The following NAV1 variants were observed in gnomAD, a reference collection of about 807,000 sequenced individuals.
NAV1 encodes neuron navigator 1, also known as pore membrane and/or filament interacting like protein 3.
In NAV1, 18 loss-of-function variants were observed where a neutral mutation model predicts 175.2. The observed-to-expected ratio is 0.10, with a 90% CI of 0.07 to 0.15. NAV1 has a LOEUF of 0.15. Among genes scored for constraint, NAV1 ranks in the 10% least tolerant of loss-of-function variants. NAV1 has a pLI of 1.00. For missense variants in NAV1, 1,731 were observed against 2,436.6 expected (o/e 0.71, Z 6.10); for synonymous variants, 897 against 978.7 (o/e 0.92, Z 1.56).
At chr1:201,558,095 T>G (rs1213426886) in intron 1 of NAV1, among the ~76,000 whole-genome samples, 1 of 152,218 alleles carries the variant, frequency 6.6e-6, no homozygotes, top group African/African-American at 2.4e-5. Flanking sequence ...TTTTCGTGCT[T>G]TGTAGGAGCC....
In NAV1 at chr1:201,781,639, TC is replaced by T. The variant is rs1363259813; in HGVS notation, c.1663+333del. 5.3e-5 allele frequency among the ~76,000 whole-genome samples: 8 copies of T among 152,298 alleles called. No homozygotes were observed. In the East Asian group the frequency reaches 1.5e-3, roughly 29 times the overall value. On this transcript the variant is annotated intron_variant, in intron 5 of 29. Coordinates refer to ENST00000367296, the Ensembl canonical transcript of NAV1. ...CTTCCAATGCTTGCTTTCTTCTTTC[TC>T]CCAAGTTAGTCACTCAAGGCACTTA...
intron 2 of NAV1, among the ~76,000 whole-genome samples, chr1:201,640,811 C>T (rs937955455): frequency 1.2e-4 from 18 of 152,206 alleles, no homozygotes; most frequent in African/African-American, 3.9e-4. Context: ...ACATCTGTTC[C>T]GAGTCACGCA....
chr1:201,552,497 T>C lies in NAV1; in HGVS notation c.-144+13155T>C, dbSNP rs536052401. ...TTGCTTCCTTGACCTCTCCCTGACA[T>C]TGGGCTCTGACGCATGTGGGGTAAT... On this transcript the variant is annotated intron_variant, in intron 1 of 33. Coordinates refer to the NAV1 transcript ENST00000685211. Among the ~76,000 whole-genome samples the C allele has an allele frequency of 5.4e-3, 574 of 107,164 alleles. 2 individuals are homozygous for C. Among genetic ancestry groups the C allele is most frequent in the South Asian group, 8.7e-3 (26 of 2,972 alleles). 70.3% of individuals were successfully genotyped at this position (107,164 alleles called of 152,430 possible).
chr1:201,808,302 G>A lies in NAV1; in HGVS notation c.3846-116G>A. The A allele has an allele frequency of 7.2e-7, 1 of 1,398,488 alleles. No homozygotes were observed. Among genetic ancestry groups the A allele is most frequent in the Non-Finnish European group, 9.7e-7 (1 of 1,028,308 alleles). The allele number at this position is 1,398,488 out of a possible 1,614,324, so 86.6% of individuals were successfully genotyped here. A position where few individuals can be genotyped will look rare whatever the true frequency, so the allele number is the denominator to read the frequency against. ...CCAACAGATGGACCTTTCTTCTCATGCTGATTGAATATCAATGGGCAGGAG... is the reference window on the plus strand; with the variant it reads ...CCAACAGATGGACCTTTCTTCTCATACTGATTGAATATCAATGGGCAGGAG... On this transcript the variant is annotated intron_variant, in intron 18 of 29. Coordinates refer to ENST00000367296, the Ensembl canonical transcript of NAV1. This position sits in a 1 kb window ranked among gnomAD's most constrained non-coding sequence, Gnocchi z 5.5.
In NAV1 at chr1:201,740,035, GC is replaced by G; in HGVS notation, c.1226+21284del. 6.7e-7 allele frequency: 1 copy of G among 1,498,274 alleles called. No homozygotes were observed. The highest frequency in any genetic ancestry group is 8.9e-7 in the Non-Finnish European group (1 of 1,120,940). The allele number at this position is 1,498,274 out of a possible 1,614,324, so 92.8% of individuals were successfully genotyped here. A position where few individuals can be genotyped will look rare whatever the true frequency, so the allele number is the denominator to read the frequency against. On this transcript the variant is annotated intron_variant, in intron 3 of 29. Coordinates refer to ENST00000367296, the Ensembl canonical transcript of NAV1. The surrounding 1 kb of genome is among the most constrained non-coding windows in gnomAD (Gnocchi z 4.7). ...CTGAGCCGGGGAAGATGCTTCATCT[GC>G]CCCTGCCCAGATCCGGAAGAACGGT...
chr1:201,671,602 C>T (rs1670047552), intron 1 of NAV1, among the ~76,000 whole-genome samples: 1 of 152,220 alleles, frequency 6.6e-6, no homozygotes, highest in African/African-American at 2.4e-5. Flanking sequence ...GCTCAAAAAG[C>T]TGTGCGGAGG....
At chr1:201,804,195 A>G in intron 16 of NAV1, 1 of 527,052 alleles carries the variant, frequency 1.9e-6, no homozygotes, top group Non-Finnish European at 3.4e-6. Context: ...GTAGGTCCAG[A>G]AGTCATTTTT....
chr1:201,558,975 T>C (rs887270801), intron 1 of NAV1, among the ~76,000 whole-genome samples: 1 of 152,118 alleles, frequency 6.6e-6, no homozygotes, highest in African/African-American at 2.4e-5. Context: ...GTACCTTGAG[T>C]CTGCTTCTTT....
chr1:201,706,599 T>C (rs1316729806), intron 1 of NAV1, among the ~76,000 whole-genome samples: 2 of 152,170 alleles, frequency 1.3e-5, no homozygotes, highest in African/African-American at 4.8e-5. Context: ...ATGAGATCCT[T>C]TCAAGTTCTG....
chr1:201,642,513 C>CTTTCTT lies in NAV1; in HGVS notation c.5-6119_5-6114dup, dbSNP rs1553247038. Among the ~76,000 whole-genome samples the CTTTCTT allele has an allele frequency of 5.3e-4, 57 of 107,386 alleles. 2 individuals carry two copies. Among genetic ancestry groups the CTTTCTT allele is most frequent in the African/African-American group, 2.5e-3 (55 of 22,094 alleles). The allele number at this position is 107,386 out of a possible 152,430, so 70.4% of individuals were successfully genotyped here. ...AGGTGTGAGCCACCGCACCCGGCCT[C>CTTTCTT]TTTCTTTCTTTTTTTCTTTCTTTCT... On this transcript the variant is annotated intron_variant, in intron 2 of 29. Coordinates refer to the NAV1 transcript ENST00000367302.
At chr1:201,682,066 A>C (rs1180813114) in intron 1 of NAV1, among the ~76,000 whole-genome samples, 1 of 150,408 alleles carries the variant, frequency 6.6e-6, no homozygotes, top group Non-Finnish European at 1.5e-5. Context: ...CAGTGAGCCA[A>C]GATCGTGCCA....
At chr1:201,736,816 T>A (rs1349482756) in intron 3 of NAV1, among the ~76,000 whole-genome samples, 4 of 152,036 alleles carry the variant, frequency 2.6e-5, no homozygotes, top group Non-Finnish European at 5.9e-5. Flanking sequence ...ACAGGCCTTT[T>A]TCCTCTCTCC....
intron 1 of NAV1, among the ~76,000 whole-genome samples, chr1:201,687,320 A>C (rs755520362): frequency 6.6e-6 from 1 of 152,210 alleles, no homozygotes; most frequent in Non-Finnish European, 1.5e-5. Context: ...CACTCAACCA[A>C]GGATACATCT....
chr1:201,788,576 C>T lies in NAV1; in HGVS notation c.3104C>T (p.Ser1035Phe). The T allele has an allele frequency of 6.2e-7, 1 of 1,614,176 alleles. No homozygotes were observed. The highest frequency in any genetic ancestry group is 8.5e-7 in the Non-Finnish European group (1 of 1,180,030). ...GGCTCCCAAATGGGGAGCACCCTGT[C>T]CCTGGCCGAGAGACCCAAGGGAATG... The change falls in exon 10 of 30, where the codon TCC becomes TTC. Residue 1035 changes from serine to phenylalanine, a missense_variant. Physicochemically the swap from Ser to Phe is radical, Grantham distance 155. Coordinates refer to ENST00000367296, the Ensembl canonical transcript of NAV1. This position sits in a 1 kb window ranked among gnomAD's most constrained non-coding sequence, Gnocchi z 5.7.
chr1:201,720,795 G>A (rs1389519398), intron 3 of NAV1, among the ~76,000 whole-genome samples: 3 of 152,120 alleles, frequency 2.0e-5, no homozygotes, highest in Non-Finnish European at 4.4e-5. Flanking sequence ...TATTTTTGTT[G>A]CTATATTATT....
chr1:201,786,107 G>A (rs1676728896), intron 8 of NAV1, among the ~76,000 whole-genome samples: 1 of 152,068 alleles, frequency 6.6e-6, no homozygotes, highest in Non-Finnish European at 1.5e-5. Context: ...CTTGCAACTT[G>A]AAAGCCCACA....
chr1:201,586,585 G>A (rs1234226144), intron 1 of NAV1, among the ~76,000 whole-genome samples: 2 of 152,074 alleles, frequency 1.3e-5, no homozygotes, highest in Non-Finnish European at 2.9e-5. Context: ...ACAGGTGGCT[G>A]CCTTCTCCCT....
intron 3 of NAV1, among the ~76,000 whole-genome samples, chr1:201,731,727 G>A (rs61821712): frequency 0.056 from 8,569 of 152,246 alleles, 329 homozygotes; most frequent in Middle Eastern, 0.13. Context: ...GGCAGTTCAG[G>A]AATGACACTA....
At chr1:201,636,205 G>C (rs567598399) in intron 2 of NAV1, among the ~76,000 whole-genome samples, 17 of 152,324 alleles carry the variant, frequency 1.1e-4, no homozygotes, top group African/African-American at 4.1e-4. Context: ...TTTATCTCAA[G>C]AAGTGCTGGC....
Sources: allele counts gnomAD v4.1 joint callset (sites outside exome capture counted in the v4.1 genomes callset), GRCh38; gene constraint gnomAD v4.1.1; non-coding constraint Gnocchi (gnomAD v3.1); transcripts MANE v1.5; gene names NCBI Gene and HGNC (gene_info 2026-07-23, HGNC 2026-07-21).